ITPRID2: variants seen among roughly 807,000 people sequenced by gnomAD.
The protein encoded by ITPRID2 is protein ITPRID2.
A neutral mutation model predicts 124.3 loss-of-function variants in ITPRID2; 60 were observed. The observed-to-expected ratio is 0.48, with a 90% CI of 0.39 to 0.60. The LOEUF is 0.60. Ranked by LOEUF, ITPRID2 falls within the 20% of genes least tolerant of loss-of-function variation. The probability of loss-of-function intolerance (pLI) is 0.00; values close to 1 mark genes in which losing one functional copy is unlikely to be tolerated. For missense variants in ITPRID2, 1,553 were observed against 1,512.2 expected (o/e 1.03, Z -0.45); for synonymous variants, 521 against 542.9 (o/e 0.96, Z 0.56).
Position 181,916,185 on chromosome 2 carries a change from A to C in ITPRID2, c.2545A>C (p.Ile849Leu), listed in dbSNP as rs76339980. The change falls in exon 11 of 18, where the codon ATC (isoleucine) becomes CTC (leucine). Residue 849 changes from isoleucine (I) to leucine (L), a missense_variant. Physicochemically the swap from Ile to Leu is conservative, Grantham distance 5. Transcript: ENST00000431877. ...MSQSTCSLHS[I>L]HSEWQERPLC... ...TCAGTCTACCTGTTCCCTTCATTCC[A>C]TCCACTCTGAGTGGCAAGAAAGGCC... is the stretch of plus-strand genomic sequence containing the variant. 3,305 of 1,614,152 alleles carry C rather than the reference A, an allele frequency of 2.0e-3. 61 individuals are homozygous for C. The African/African-American group carries it at 0.039, about 19-fold the overall frequency.
intron 4 of ITPRID2, among the ~76,000 whole-genome samples, chr2:181,897,641 T>C (rs570896440): frequency 1.3e-5 from 2 of 151,586 alleles, no homozygotes; most frequent in Non-Finnish European, 2.9e-5. Flanking sequence ...TTATAGCTCA[T>C]TGATCAAATT....
Position 181,901,942 on chromosome 2 carries a change from A to G in ITPRID2, c.889A>G (p.Lys297Glu). The G allele has an allele frequency of 6.2e-7, 1 of 1,613,958 alleles. No homozygotes were observed. The highest frequency in any genetic ancestry group is 8.5e-7 in the Non-Finnish European group (1 of 1,179,920). Residue 297 changes from lysine (K) to glutamate (E), a missense_variant, in exon 8 of 18, where the codon AAA becomes GAA. By Grantham distance (56) the Lys-to-Glu change is moderately conservative. Coordinates refer to ENST00000431877, the MANE Select transcript of ITPRID2 (RefSeq NM_001130445.3). ...TRSNTANRLM[K>E]TLSKLNLCVD... is the part of the protein sequence containing the mutation. ...AAGTAACACTGCAAATCGTTTAATGAAAACACTCTCAAAACTGAATTTATG... is the reference window on the plus strand; with the variant it reads ...AAGTAACACTGCAAATCGTTTAATGGAAACACTCTCAAAACTGAATTTATG...
At position 181,900,765 on chromosome 2, in the gene ITPRID2, T is replaced by C; in HGVS notation, c.573T>C (p.Arg191=). The change falls in exon 7 of 18, where the codon CGT becomes CGC. Residue 191 remains arginine, a synonymous_variant. Coordinates refer to ENST00000431877, the MANE Select transcript of ITPRID2 (RefSeq NM_001130445.3). The part of the protein sequence containing the change: ...EEILYNLGFG[R]DEPDIASKIP... ...TTCTTTATAATCTTGGATTTGGACG[T>C]GATGAACCAGATATTGCTTCTAAAA... 6.2e-7 allele frequency: 1 copy of C among 1,613,410 alleles called. No homozygotes were observed. The highest frequency in any genetic ancestry group is 8.5e-7 in the Non-Finnish European group (1 of 1,179,672).
At chr2:181,906,923 C>T (rs1030460547) in intron 8 of ITPRID2, among the ~76,000 whole-genome samples, 1 of 152,158 alleles carries the variant, frequency 6.6e-6, no homozygotes, top group Non-Finnish European at 1.5e-5. Flanking sequence ...ATCTGATGCA[C>T]AGCACCATGC....
At chr2:181,929,330 T>C (rs537467217) in intron 17 of ITPRID2, among the ~76,000 whole-genome samples, 1 of 152,180 alleles carries the variant, frequency 6.6e-6, no homozygotes, top group South Asian at 2.1e-4. Context: ...ATTTCAGATA[T>C]AGGAAATTGG....
At position 181,918,596 on chromosome 2, in the gene ITPRID2, A is replaced by C. The variant is rs746524815; in HGVS notation, c.2788-2A>C. 2 of 1,613,248 alleles carry C rather than the reference A, an allele frequency of 1.2e-6. No individual in the cohort carries two copies. Among genetic ancestry groups the C allele is most frequent in the Non-Finnish European group, 1.7e-6 (2 of 1,179,708 alleles). On this transcript the variant is annotated splice_acceptor_variant, in intron 11 of 17. Coordinates refer to ENST00000431877, the MANE Select transcript of ITPRID2 (RefSeq NM_001130445.3). LOFTEE classifies it high-confidence loss of function. ...TTTAATCCTACTTTTACTTTTTTGAAGTACCCTATGATGAGAGGACCTGAT... is the reference window on the plus strand; with the variant it reads ...TTTAATCCTACTTTTACTTTTTTGACGTACCCTATGATGAGAGGACCTGAT...
rs551792580 is a variant in ITPRID2 at position 181,917,098 on chromosome 2, A to C, written c.2787+671A>C. Reference sequence around the variant, plus strand: ...TTAGTAGACTGGAAATAATTTTCCCAAAAAAATTTTGAAAATAAGTACGTT... The same window carrying C: ...TTAGTAGACTGGAAATAATTTTCCCCAAAAAATTTTGAAAATAAGTACGTT... On this transcript the variant is annotated intron_variant, in intron 11 of 17. Transcript: ENST00000431877. The C allele has an allele frequency of 6.2e-5, 53 of 860,114 alleles. No homozygotes were observed. The East Asian group carries it at 8.5e-4, about 14-fold the overall frequency. The allele number at this position is 860,114 out of a possible 1,614,324, so 53.3% of individuals were successfully genotyped here. A position where few individuals can be genotyped will look rare whatever the true frequency, so the allele number is the denominator to read the frequency against.
At position 181,915,659 on chromosome 2, in the gene ITPRID2, C is replaced by G; in HGVS notation, c.2019C>G (p.Cys673Trp). ...LKSLASIEAK[C>W]SDMSSENTTG... The stretch of plus-strand genomic sequence containing the variant: ...CATTGGCTTCTATTGAAGCTAAATG[C>G]AGTGATATGAGCTCTGAAAATACAA... Residue 673 changes from cysteine (C) to tryptophan (W), a missense_variant, in exon 11 of 18, where the codon TGC (cysteine) becomes TGG (tryptophan). Transcript: ENST00000431877. The G allele has an allele frequency of 6.2e-7, 1 of 1,614,192 alleles. No homozygotes were observed. The highest frequency in any genetic ancestry group is 8.5e-7 in the Non-Finnish European group (1 of 1,180,034).
At chr2:181,912,867 A>G (rs1693712528) in intron 9 of ITPRID2, among the ~76,000 whole-genome samples, 1 of 152,218 alleles carries the variant, frequency 6.6e-6, no homozygotes, top group South Asian at 2.1e-4. Context: ...TTGAGGCAGA[A>G]AAATAAGCAG....
chr2:181,901,962 T>G lies in ITPRID2; in HGVS notation c.909T>G (p.Asn303Lys). The change falls in exon 8 of 18, where the codon AAT becomes AAG. Residue 303 changes from asparagine to lysine, a missense_variant. Transcript: ENST00000431877. ...TAATGAAAACACTCTCAAAACTGAA[T>G]TTATGTGTTGATAAAACAGAGAAAG... Reference protein sequence around the residue: ...NRLMKTLSKLNLCVDKTEKGE... With the variant: ...NRLMKTLSKLKLCVDKTEKGE... The G allele has an allele frequency of 6.2e-7, 1 of 1,613,834 alleles. No homozygotes were observed. Among genetic ancestry groups the G allele is most frequent in the Non-Finnish European group, 8.5e-7 (1 of 1,179,856 alleles).
chr2:181,892,767 G>C lies in ITPRID2; in HGVS notation c.257+107G>C. ...CCTGTGGGTCCCGCGACCGTTGTAA[G>C]CTACAAACCGGAAAGTGAGCCGGCG... is the stretch of plus-strand genomic sequence containing the variant. On this transcript the variant is annotated intron_variant, in intron 2 of 17. Transcript: ENST00000431877. The surrounding 1 kb of genome is among the most constrained non-coding windows in gnomAD (Gnocchi z 5.2). 1 of 1,354,958 alleles carries C rather than the reference G, an allele frequency of 7.4e-7. No individual in the cohort carries two copies. Among genetic ancestry groups the C allele is most frequent in the Non-Finnish European group, 1.0e-6 (1 of 958,318 alleles). 83.9% of individuals were successfully genotyped at this position (1,354,958 alleles called of 1,614,324 possible).
chr2:181,912,366 A>G (rs1382573493), intron 9 of ITPRID2, among the ~76,000 whole-genome samples: 2 of 152,242 alleles, frequency 1.3e-5, no homozygotes, highest in African/African-American at 4.8e-5. Flanking sequence ...TACTGGTGGT[A>G]ACAGCTTATT....
At chr2:181,924,205 A>G (rs1694687404) in intron 16 of ITPRID2, among the ~76,000 whole-genome samples, 1 of 152,208 alleles carries the variant, frequency 6.6e-6, no homozygotes, top group African/African-American at 2.4e-5. Flanking sequence ...TAAGAGGAGT[A>G]TTGTTGTACT....
rs1451987779 is a variant in ITPRID2 at position 181,892,673 on chromosome 2, T to C, written c.257+13T>C. The stretch of plus-strand genomic sequence containing the variant: ...TCAAGGACTGCCGGTGAGTGCTCCC[T>C]GGTCCGCCCGCGTCCCGGGGGAGAT... On this transcript the variant is annotated intron_variant, in intron 2 of 17. Transcript: ENST00000431877. The surrounding 1 kb of genome is among the most constrained non-coding windows in gnomAD (Gnocchi z 5.2). The C allele has an allele frequency of 3.7e-6, 6 of 1,613,786 alleles. No homozygotes were observed. The highest frequency in any genetic ancestry group is 5.1e-6 in the Non-Finnish European group (6 of 1,179,936).
rs141839632 is a variant in ITPRID2, at chr2:181,910,826, ACT to A, written c.1486+859_1486+860del. On this transcript the variant is annotated intron_variant, in intron 9 of 17. Transcript: ENST00000431877. The surrounding 1 kb of genome is among the most constrained non-coding windows in gnomAD (Gnocchi z 4.1). ...TATGGTATTAAGAAACAAGAGCTTC[ACT>A]CTCACTCGGTCACTGCAGCTCTGGT... Among the ~76,000 whole-genome samples, 1,168 of 152,210 alleles carry A rather than the reference ACT, an allele frequency of 7.7e-3. 9 individuals are homozygous for A. Among genetic ancestry groups the A allele is most frequent in the African/African-American group, 0.026 (1,097 of 41,536 alleles).
chr2:181,897,027 C>T, intron 4 of ITPRID2, 63 bp downstream of exon 4: 2 of 1,411,422 alleles, frequency 1.4e-6, no homozygotes, highest in South Asian at 2.3e-5. Flanking sequence ...AATGAGAAAG[C>T]TGAATGGTTT....
chr2:181,915,142 A>G (rs1047996207), intron 10 of ITPRID2, 74 bp from the exon 11 acceptor site: 15 of 1,497,280 alleles, frequency 1.0e-5, no homozygotes, highest in African/African-American at 2.8e-5. Flanking sequence ...TAGAAGCACC[A>G]TGTTGGTTTG....
At position 181,892,733 on chromosome 2, in the gene ITPRID2, GGCCGC is replaced by G. The variant is rs1691852577; in HGVS notation, c.257+75_257+79del. On this transcript the variant is annotated intron_variant, in intron 2 of 17. Coordinates refer to ENST00000431877, the MANE Select transcript of ITPRID2 (RefSeq NM_001130445.3). This position sits in a 1 kb window ranked among gnomAD's most constrained non-coding sequence, Gnocchi z 5.2. ...CGGGACGCCGGAGCAGAGCCACTCG[GGCCGC>G]GTCCCTGTGGGTCCCGCGACCGTTG... The G allele has an allele frequency of 6.3e-7, 1 of 1,582,542 alleles. No individual in the cohort carries two copies. Among genetic ancestry groups the G allele is most frequent in the African/African-American group, 1.3e-5 (1 of 74,218 alleles).
intron 8 of ITPRID2, among the ~76,000 whole-genome samples, chr2:181,908,358 TCTG>T (rs1693321279): frequency 6.6e-6 from 1 of 152,252 alleles, no homozygotes; most frequent in Admixed American, 6.5e-5. Context: ...GCATTGGAAT[TCTG>T]CTATAATTTT....
Sources: allele counts gnomAD v4.1 joint callset (sites outside exome capture counted in the v4.1 genomes callset), GRCh38; gene constraint gnomAD v4.1.1; non-coding constraint Gnocchi (gnomAD v3.1); transcripts MANE v1.5; gene names NCBI Gene and HGNC (gene_info 2026-07-23, HGNC 2026-07-21).